The following LTBP1 variants were observed in gnomAD, a reference collection of about 807,000 sequenced individuals.
LTBP1 encodes the protein latent transforming growth factor beta binding protein 1.
Under a neutral mutation model 207.6 loss-of-function variants are expected in LTBP1, and 129 were observed. The ratio of observed to expected loss-of-function variants is 0.62; its 90% CI spans 0.54 to 0.72. LTBP1 has a LOEUF of 0.72. LTBP1 is among the 30% of genes least tolerant of loss of function. The pLI is 0.00. For missense variants in LTBP1, 2,281 were observed against 2,217.2 expected (o/e 1.03, Z -0.58); for synonymous variants, 963 against 833.7 (o/e 1.16, Z -2.67).
chr2:33,250,258 C>G (rs2092645009), intron 10 of LTBP1, among the ~76,000 whole-genome samples: 1 of 152,106 alleles, frequency 6.6e-6, no homozygotes, highest in Non-Finnish European at 1.5e-5. Context: ...CATAAATGAA[C>G]AGTTTTGGCT....
intron 3 of LTBP1, among the ~76,000 whole-genome samples, chr2:33,104,999 A>T (rs1469403300): frequency 6.6e-6 from 1 of 151,904 alleles, no homozygotes; most frequent in Non-Finnish European, 1.5e-5. Context: ...TGCTGATTTG[A>T]TCCTCAAGTC....
chr2:33,397,081 T>C, intron 32 of LTBP1, 52 bp from the exon 33 acceptor site: 1 of 1,549,722 alleles, frequency 6.5e-7, no homozygotes, highest in Non-Finnish European at 8.8e-7. Context: ...ATTTACAAAA[T>C]GATATAGGAA....
intron 31 of LTBP1, among the ~76,000 whole-genome samples, chr2:33,384,243 T>A (rs989631250): frequency 6.6e-6 from 1 of 152,242 alleles, no homozygotes; most frequent in African/African-American, 2.4e-5. Flanking sequence ...GCATTTGTCA[T>A]ATGAATCAGC....
chr2:33,073,952 G>A (rs2077939517), intron 3 of LTBP1, among the ~76,000 whole-genome samples: 1 of 152,166 alleles, frequency 6.6e-6, no homozygotes, highest in Non-Finnish European at 1.5e-5. Flanking sequence ...CAGTATTCAA[G>A]CAGGAGATGT....
At chr2:33,184,527 A>T (rs775914817) in intron 5 of LTBP1, among the ~76,000 whole-genome samples, 36 of 152,130 alleles carry the variant, frequency 2.4e-4, no homozygotes, top group Admixed American at 7.9e-4. Context: ...CTTATCCTAA[A>T]TGATCTCTGC....
chr2:33,388,410 A>G (rs2095286125), intron 31 of LTBP1, among the ~76,000 whole-genome samples: 1 of 152,188 alleles, frequency 6.6e-6, no homozygotes, highest in African/African-American at 2.4e-5. Flanking sequence ...TTCGTTTCTG[A>G]CTTCAAATCA....
intron 10 of LTBP1, among the ~76,000 whole-genome samples, chr2:33,248,233 C>T (rs1460424791): frequency 6.6e-6 from 1 of 152,212 alleles, no homozygotes; most frequent in East Asian, 1.9e-4. Context: ...ATGCCAGGCA[C>T]TGTGCTAAGC....
intron 18 of LTBP1, among the ~76,000 whole-genome samples, chr2:33,276,859 A>G (rs749455): frequency 0.52 from 79,184 of 152,180 alleles, 21,640 homozygotes; most frequent in African/African-American, 0.67. Context: ...TCCAAAAAAC[A>G]AAGCAAAACA....
intron 5 of LTBP1, among the ~76,000 whole-genome samples, chr2:33,183,990 C>A (rs1333654646): frequency 6.6e-6 from 1 of 152,052 alleles, no homozygotes; most frequent in Non-Finnish European, 1.5e-5. Flanking sequence ...CCTCCACTTT[C>A]TCCCCTCTTC....
intron 22 of LTBP1, among the ~76,000 whole-genome samples, chr2:33,306,702 T>A (rs958327595): frequency 6.6e-6 from 1 of 152,218 alleles, no homozygotes; most frequent in African/African-American, 2.4e-5. Context: ...CTTTTTTGAA[T>A]TGAGTTTTTT....
chr2:33,353,466 A>G (rs1165377292), intron 26 of LTBP1, among the ~76,000 whole-genome samples: 5 of 152,204 alleles, frequency 3.3e-5, no homozygotes, highest in Non-Finnish European at 7.3e-5. Flanking sequence ...ACTGCAAAAC[A>G]GCTCACTGCT....
intron 10 of LTBP1, among the ~76,000 whole-genome samples, chr2:33,247,047 C>T (rs2092537075): frequency 6.6e-6 from 1 of 152,152 alleles, no homozygotes; most frequent in African/African-American, 2.4e-5. Context: ...TTCAGAGCTC[C>T]AGGATGAGTG....
chr2:32,961,233 C>A (rs1258673255), intron 2 of LTBP1, among the ~76,000 whole-genome samples: 1 of 152,168 alleles, frequency 6.6e-6, no homozygotes, highest in African/African-American at 2.4e-5. Context: ...GCCAGACCAG[C>A]CTTGTGCTGA....
At chr2:33,173,792 A>G (rs949800928) in intron 5 of LTBP1, among the ~76,000 whole-genome samples, 20 of 142,212 alleles carry the variant, frequency 1.4e-4, no homozygotes, top group Admixed American at 4.3e-4. Context: ...CAGCACATCC[A>G]AAAGCTTATC....
intron 3 of LTBP1, among the ~76,000 whole-genome samples, chr2:33,076,147 C>T (rs183179200): frequency 1.3e-5 from 2 of 152,108 alleles, no homozygotes; most frequent in African/African-American, 2.4e-5. Flanking sequence ...TGAGCAGGAT[C>T]GGGAGCTCAC....
At chr2:33,247,503 C>G (rs916135450) in intron 10 of LTBP1, among the ~76,000 whole-genome samples, 3 of 152,216 alleles carry the variant, frequency 2.0e-5, no homozygotes, top group Non-Finnish European at 4.4e-5. Flanking sequence ...TGGAACACAG[C>G]CATGTCCATT....
intron 7 of LTBP1, among the ~76,000 whole-genome samples, chr2:33,196,875 A>T (rs902458842): frequency 1.3e-5 from 2 of 152,230 alleles, no homozygotes; most frequent in Non-Finnish European, 2.9e-5. Flanking sequence ...TTCAGTGATC[A>T]GTGAATAGAT....
chr2:33,385,059 C>A (rs1219205923), intron 31 of LTBP1, among the ~76,000 whole-genome samples: 3 of 152,196 alleles, frequency 2.0e-5, no homozygotes, highest in African/African-American at 4.8e-5. Flanking sequence ...ATTAAAAATT[C>A]TTGGACATCA....
chr2:33,160,949 T>G (rs992604331), intron 5 of LTBP1, among the ~76,000 whole-genome samples: 2 of 152,188 alleles, frequency 1.3e-5, no homozygotes, highest in East Asian at 3.9e-4. Flanking sequence ...AGCAGTTATC[T>G]CAATGAAGAC....
Sources: allele counts gnomAD v4.1 joint callset (sites outside exome capture counted in the v4.1 genomes callset), GRCh38; gene constraint gnomAD v4.1.1; transcripts MANE v1.5; gene names NCBI Gene and HGNC (gene_info 2026-07-23, HGNC 2026-07-21).